The following RBFOX1 variants were observed in gnomAD, a reference collection of about 807,000 sequenced individuals.
The protein encoded by RBFOX1 is RNA binding protein fox-1 homolog 1.
In RBFOX1, 8 loss-of-function variants were observed where a neutral mutation model predicts 57.7. The ratio of observed to expected loss-of-function variants is 0.14; its 90% confidence interval spans 0.08 to 0.25. RBFOX1 has a LOEUF of 0.25. Among genes scored for constraint, RBFOX1 ranks in the 10% least tolerant of loss-of-function variants. The pLI, the probability that RBFOX1 is intolerant of heterozygous loss-of-function variation, is 1.00. For synonymous variants in RBFOX1, 326 were observed against 222.4 expected, an observed-to-expected ratio of 1.47 and a Z score of -4.15; for missense variants, 611 against 548.5, an observed-to-expected ratio of 1.11 and a Z score of -1.14.
At chr16:7,437,256 C>CG (rs766259891) in intron 4 of RBFOX1, among the ~76,000 whole-genome samples, 8 of 133,978 alleles carry the variant, frequency 6.0e-5, no homozygotes, top group Non-Finnish European at 1.2e-4. Flanking sequence ...CTTTGCCCCC[C>CG]CCCCCTTTCT....
intron 2 of RBFOX1, among the ~76,000 whole-genome samples, chr16:6,377,436 G>T (rs2091319056): frequency 6.6e-6 from 1 of 152,134 alleles, no homozygotes; most frequent in Non-Finnish European, 1.5e-5. Flanking sequence ...TCTGGGGGTT[G>T]TTATCCAACC....
intron 2 of RBFOX1, among the ~76,000 whole-genome samples, chr16:6,551,716 T>A (rs1262837860): frequency 1.3e-5 from 2 of 152,186 alleles, no homozygotes; most frequent in Non-Finnish European, 2.9e-5. Flanking sequence ...AAATGAATAA[T>A]GTATCCATGT....
intron 2 of RBFOX1, among the ~76,000 whole-genome samples, chr16:6,429,649 G>T (rs1668684677): frequency 6.6e-6 from 1 of 152,142 alleles, no homozygotes; most frequent in East Asian, 1.9e-4. Flanking sequence ...TGAATCATGG[G>T]GGCAGTTTCC....
chr16:6,587,386 A>G (rs185583874), intron 2 of RBFOX1, among the ~76,000 whole-genome samples: 71 of 152,198 alleles, frequency 4.7e-4, no homozygotes, highest in Admixed American at 1.4e-3. Flanking sequence ...GGATCAAGCA[A>G]TTCTCCTGCC....
chr16:5,829,673 C>T (rs1487360235), intron 3 of RBFOX1, among the ~76,000 whole-genome samples: 1 of 129,888 alleles, frequency 7.7e-6, no homozygotes, highest in African/African-American at 2.9e-5. Flanking sequence ...GTCCATGAGC[C>T]AGGCATTGAC....
Position 7,170,868 on chromosome 16 carries a change from G to T in RBFOX1, c.27+118770G>T, listed in dbSNP as rs528311185. Among the ~76,000 whole-genome samples, 4 of 152,258 alleles carry T rather than the reference G, an allele frequency of 2.6e-5. No individual in the cohort carries two copies. The South Asian group carries it at 6.2e-4, about 24-fold the overall frequency. Reference sequence around the variant, plus strand: ...TTAAATCCTCTGCTGTCTGCTCTGCGCAGTTGAGGGTTTCATCAAAACGTC... The same window carrying T: ...TTAAATCCTCTGCTGTCTGCTCTGCTCAGTTGAGGGTTTCATCAAAACGTC... On this transcript the variant is annotated intron_variant, in intron 4 of 15. Coordinates refer to ENST00000550418, the MANE Select transcript of RBFOX1 (RefSeq NM_018723.4).
intron 2 of RBFOX1, among the ~76,000 whole-genome samples, chr16:6,560,907 G>C (rs1489818338): frequency 1.3e-5 from 2 of 152,220 alleles, no homozygotes; most frequent in South Asian, 2.1e-4. Context: ...AATGAATGCA[G>C]GCCACATCAA....
intron 3 of RBFOX1, among the ~76,000 whole-genome samples, chr16:7,050,218 C>G (rs537465408): frequency 2.6e-4 from 39 of 147,530 alleles, no homozygotes; most frequent in Non-Finnish European, 5.4e-4. Context: ...GAATATTTCT[C>G]CCAGTCTTTT....
intron 4 of RBFOX1, among the ~76,000 whole-genome samples, chr16:7,106,080 C>G (rs1308986106): frequency 6.6e-6 from 1 of 152,192 alleles, no homozygotes; most frequent in East Asian, 1.9e-4. Context: ...AGTACCCCCA[C>G]CTCCTGTCTT....
chr16:7,234,689 G>GTATA (rs58239562), intron 4 of RBFOX1, among the ~76,000 whole-genome samples: 17,986 of 146,530 alleles, frequency 0.12, 1,246 homozygotes, highest in South Asian at 0.19. Flanking sequence ...ATATATATAT[G>GTATA]TATATATATA....
intron 3 of RBFOX1, among the ~76,000 whole-genome samples, chr16:7,002,457 G>A (rs1309610903): frequency 7.9e-5 from 12 of 152,222 alleles, no homozygotes; most frequent in African/African-American, 2.7e-4. Flanking sequence ...GCTCATGTCT[G>A]TAATTCCAGC....
intron 3 of RBFOX1, among the ~76,000 whole-genome samples, chr16:6,710,224 C>T (rs535332588): frequency 1.7e-4 from 26 of 152,090 alleles, no homozygotes; most frequent in Non-Finnish European, 3.1e-4. Context: ...CACTTATTTT[C>T]CTTAACTTCT....
chr16:7,708,672 ACT>A (rs1265803227), intron 14 of RBFOX1, among the ~76,000 whole-genome samples: 2 of 152,072 alleles, frequency 1.3e-5, no homozygotes, highest in African/African-American at 4.8e-5. Flanking sequence ...AGAAAAAGGC[ACT>A]CTCTTGAGAA....
At chr16:7,389,054 A>G (rs1223443517) in intron 4 of RBFOX1, among the ~76,000 whole-genome samples, 6 of 152,178 alleles carry the variant, frequency 3.9e-5, no homozygotes, top group African/African-American at 1.2e-4. Context: ...GGGTATGGCC[A>G]TATGTAATAT....
intron 2 of RBFOX1, among the ~76,000 whole-genome samples, chr16:6,444,404 A>AG (rs1315051474): frequency 6.6e-6 from 1 of 152,050 alleles, no homozygotes; most frequent in African/African-American, 2.4e-5. Context: ...GGGTCATGGG[A>AG]GGGAACCCGT....
At chr16:6,516,213 G>A (rs1416411089) in intron 2 of RBFOX1, among the ~76,000 whole-genome samples, 1 of 152,120 alleles carries the variant, frequency 6.6e-6, no homozygotes, top group African/African-American at 2.4e-5. Flanking sequence ...ATTTTTAGTA[G>A]TGACAGGATT....
intron 4 of RBFOX1, among the ~76,000 whole-genome samples, chr16:7,168,504 T>C (rs540161940): frequency 1.3e-5 from 2 of 152,032 alleles, no homozygotes; most frequent in Non-Finnish European, 2.9e-5. Flanking sequence ...ATAAGCATCA[T>C]TTGGCTCATA....
At chr16:6,773,186 GGGCATGGGGTGCA>G in intron 3 of RBFOX1, among the ~76,000 whole-genome samples, 1 of 143,090 alleles carries the variant, frequency 7.0e-6, no homozygotes, top group Admixed American at 7.0e-5. Flanking sequence ...GTGTGTGTGT[GGGCATGGGGTGCA>G]TTTGTGTGTG....
At chr16:7,592,008 T>A (rs184340625) in intron 7 of RBFOX1, among the ~76,000 whole-genome samples, 1 of 151,904 alleles carries the variant, frequency 6.6e-6, no homozygotes, top group African/African-American at 2.4e-5. Context: ...CAGGTGAGAA[T>A]TTTGATAACC....
Sources: gnomAD v4.1 joint callset for allele counts (sites outside exome capture counted in the v4.1 genomes callset) on GRCh38, gnomAD v4.1.1 for gene constraint, MANE v1.5 for transcripts, NCBI Gene and HGNC (gene_info 2026-07-23, HGNC 2026-07-21) for gene names.